Variants in SHOC1 observed in about 807,000 individuals in gnomAD.
The protein encoded by SHOC1 is shortage in chiasmata 1, also known as protein shortage in chiasmata 1 ortholog.
In SHOC1, 136 loss-of-function variants were observed where a neutral mutation model predicts 179.2. The observed-to-expected ratio is 0.76, with a 90% CI of 0.66 to 0.87. The LOEUF (loss-of-function observed/expected upper bound fraction) is 0.87. SHOC1 is among the 40% of genes least tolerant of loss of function. The pLI, the probability that SHOC1 is intolerant of heterozygous loss-of-function variation, is 0.00. For missense variants in SHOC1, 1,538 were observed against 1,700.8 expected, an observed-to-expected ratio of 0.90 and a Z score of 1.68; for synonymous variants, 489 against 586.6, an observed-to-expected ratio of 0.83 and a Z score of 2.41.
At chr9:111,708,368 AATT>A (rs1832379916) in intron 18 of SHOC1, among the ~76,000 whole-genome samples, 1 of 151,934 alleles carries the variant, frequency 6.6e-6, no homozygotes, top group Admixed American at 6.6e-5. Flanking sequence ...ACGCCCAGCC[AATT>A]TTTGTATTTT....
intron 8 of SHOC1, among the ~76,000 whole-genome samples, chr9:111,752,068 GAAT>G (rs1168492664): frequency 6.6e-6 from 1 of 152,144 alleles, no homozygotes; most frequent in Non-Finnish European, 1.5e-5. Context: ...GATACTGAGT[GAAT>G]TTCCCATTTT....
At chr9:111,784,854 T>C (rs959020869) in intron 3 of SHOC1, among the ~76,000 whole-genome samples, 1 of 152,176 alleles carries the variant, frequency 6.6e-6, no homozygotes, top group African/African-American at 2.4e-5. Flanking sequence ...TTGGGGTCTC[T>C]TTTATAAGGG....
intron 12 of SHOC1, among the ~76,000 whole-genome samples, chr9:111,736,410 G>A (rs1375133864): frequency 6.6e-6 from 1 of 152,006 alleles, no homozygotes; most frequent in Non-Finnish European, 1.5e-5. Flanking sequence ...AATTAAAGTC[G>A]CACACCTACA....
chr9:111,697,190 C>CT (rs543211755), intron 24 of SHOC1, among the ~76,000 whole-genome samples: 18,777 of 142,028 alleles, frequency 0.13, 1,357 homozygotes, highest in South Asian at 0.27. Context: ...CTTTTCTCTC[C>CT]TTTTTTTTTT....
chr9:111,739,343 GAA>G (rs1016189617), intron 11 of SHOC1, among the ~76,000 whole-genome samples: 1 of 151,984 alleles, frequency 6.6e-6, no homozygotes, highest in Non-Finnish European at 1.5e-5. Context: ...TATTTAGAGT[GAA>G]AAGTCTCATA....
intron 12 of SHOC1, among the ~76,000 whole-genome samples, chr9:111,730,701 G>A (rs1436226520): frequency 6.6e-6 from 1 of 152,116 alleles, no homozygotes. Context: ...TAATTCTTAA[G>A]GGCCTTAGGA....
chr9:111,712,120 C>T (rs1832580879), intron 18 of SHOC1, among the ~76,000 whole-genome samples: 1 of 152,164 alleles, frequency 6.6e-6, no homozygotes, highest in Non-Finnish European at 1.5e-5. Flanking sequence ...GACCGTTCTG[C>T]ATTATCACAA....
Position 111,702,141 on chromosome 9 carries a change from C to T in SHOC1, c.3053G>A (p.Trp1018Ter). Residue 1018 changes from tryptophan (W) to a stop codon, truncating the protein, a stop_gained, in exon 23 of 28, where the codon TGG becomes TAG. Coordinates refer to ENST00000682961, the MANE Select transcript of SHOC1 (RefSeq NM_001378211.1). LOFTEE classifies it high-confidence loss of function. ...TGTTTCTTTGGTATATAAAATTATC[C>T]AACAATATCTGTACTGTAATGATAA... ...MALSLQYRYC[W>*]IILYTKETLN... 6.7e-7 allele frequency: 1 copy of T among 1,481,716 alleles called. No individual in the cohort carries two copies. The highest frequency in any genetic ancestry group is 9.3e-7 in the Non-Finnish European group (1 of 1,071,418). The allele number at this position is 1,481,716 out of a possible 1,614,324, so 91.8% of individuals were successfully genotyped here. A position where few individuals can be genotyped will look rare whatever the true frequency, so the allele number is the denominator to read the frequency against.
intron 10 of SHOC1, among the ~76,000 whole-genome samples, chr9:111,743,625 G>A (rs1834137319): frequency 6.6e-6 from 1 of 152,098 alleles, no homozygotes; most frequent in African/African-American, 2.4e-5. Flanking sequence ...AATGAGGATG[G>A]TATTTGTTAT....
At chr9:111,690,099 A>ATAAG (rs939409795) in intron 27 of SHOC1, among the ~76,000 whole-genome samples, 3 of 151,914 alleles carry the variant, frequency 2.0e-5, no homozygotes, top group African/African-American at 7.3e-5. Flanking sequence ...AAAATCATAA[A>ATAAG]TATTAGCTAC....
chr9:111,758,888 C>A (rs767996105), intron 5 of SHOC1, 40 bp from the exon 6 acceptor site: 12 of 1,229,368 alleles, frequency 9.8e-6, no homozygotes, highest in East Asian at 2.6e-5. Flanking sequence ...AAGAAAAAAA[C>A]AAAAAGTTAT....
intron 5 of SHOC1, among the ~76,000 whole-genome samples, chr9:111,766,047 ATCC>A: frequency 6.6e-6 from 1 of 152,072 alleles, no homozygotes; most frequent in Admixed American, 6.6e-5. Context: ...TTTCCCCCTC[ATCC>A]CCCTTCCCTA....
Position 111,686,512 on chromosome 9 carries a change from G to T in SHOC1, c.*258C>A. 3.9e-6 allele frequency: 1 copy of T among 256,974 alleles called. No homozygotes were observed. Among genetic ancestry groups the T allele is most frequent in the Non-Finnish European group, 7.5e-6 (1 of 132,674 alleles). 15.9% of individuals were successfully genotyped at this position (256,974 alleles called of 1,614,324 possible). ...GACTGTGATGGAGACTCATTTAAATGGCCTGTGTGCAGGGGTGTCTGGAAG... is the reference window on the plus strand; with the variant it reads ...GACTGTGATGGAGACTCATTTAAATTGCCTGTGTGCAGGGGTGTCTGGAAG... On this transcript the variant is annotated 3_prime_UTR_variant, in exon 28 of 28. Coordinates refer to ENST00000682961, the MANE Select transcript of SHOC1 (RefSeq NM_001378211.1).
chr9:111,734,777 A>G (rs1200800259), intron 12 of SHOC1, among the ~76,000 whole-genome samples: 1 of 150,916 alleles, frequency 6.6e-6, no homozygotes, highest in African/African-American at 2.4e-5. Context: ...CATCTGTTAT[A>G]TATTTTGGTA....
intron 27 of SHOC1, among the ~76,000 whole-genome samples, chr9:111,688,826 C>G (rs1256533949): frequency 1.1e-5 from 1 of 92,820 alleles, no homozygotes. Flanking sequence ...AGTTTTCCCT[C>G]ATAGCTTGAT....
At chr9:111,726,692 C>A (rs1387396119) in intron 13 of SHOC1, among the ~76,000 whole-genome samples, 1 of 152,200 alleles carries the variant, frequency 6.6e-6, no homozygotes, top group Non-Finnish European at 1.5e-5. Flanking sequence ...TAAGACCTAA[C>A]TGTCTCTAAG....
chr9:111,775,926 C>A lies in SHOC1; in HGVS notation c.307G>T (p.Val103Phe). The change falls in exon 5 of 28, where the codon GTT becomes TTT. Residue 103 changes from valine to phenylalanine, a missense_variant. By Grantham distance (50) the Val-to-Phe change is conservative. Coordinates refer to ENST00000682961, the MANE Select transcript of SHOC1 (RefSeq NM_001378211.1). ...VTQINCEFEEVVPSSNPDSQI... is the reference protein window; with the variant it reads ...VTQINCEFEEFVPSSNPDSQI... ...GAGTCTGGATTTGAACTTGGAACAACTTCCTCAAATTCACAATTAATCTGG... is the reference window on the plus strand; with the variant it reads ...GAGTCTGGATTTGAACTTGGAACAAATTCCTCAAATTCACAATTAATCTGG... The A allele has an allele frequency of 6.2e-7, 1 of 1,613,530 alleles. No homozygotes were observed.
chr9:111,779,115 AG>A (rs1476831294), intron 4 of SHOC1, among the ~76,000 whole-genome samples: 1,304 of 120,534 alleles, frequency 0.011, 29 homozygotes, highest in African/African-American at 0.033. Flanking sequence ...AAAAAAAAAA[AG>A]AGAGAGAGAG....
intron 8 of SHOC1, among the ~76,000 whole-genome samples, chr9:111,754,907 T>G (rs575587893): frequency 3.3e-4 from 50 of 152,310 alleles, no homozygotes; most frequent in Non-Finnish European, 5.3e-4. Context: ...ATCTATATAG[T>G]TTTACTTACA....
Sources: gnomAD v4.1 joint callset for allele counts (sites outside exome capture counted in the v4.1 genomes callset) on GRCh38, gnomAD v4.1.1 for gene constraint, MANE v1.5 for transcripts, NCBI Gene and HGNC (gene_info 2026-07-23, HGNC 2026-07-21) for gene names.